The following EBF1 variants were observed in gnomAD, a reference collection of about 807,000 sequenced individuals.
The protein encoded by EBF1 is transcription factor COE1.
Under a neutral mutation model 68.4 loss-of-function variants are expected in EBF1, and 10 were observed. The observed-to-expected ratio is 0.15, with a 90% CI of 0.09 to 0.25. The LOEUF (loss-of-function observed/expected upper bound fraction) is 0.25, where lower values mean the gene tolerates loss of function less well. Ranked by LOEUF, EBF1 falls within the 10% of genes least tolerant of loss-of-function variation. The pLI, the probability that EBF1 is intolerant of heterozygous loss-of-function variation, is 1.00. For synonymous variants in EBF1, 298 were observed against 299.8 expected (o/e 0.99, Z 0.06); for missense variants, 509 against 794.4 (o/e 0.64, Z 4.32).
Position 158,880,338 on chromosome 5 carries a change from A to G in EBF1, c.555-40228T>C, listed in dbSNP as rs376850930. 2.2e-4 allele frequency among the ~76,000 whole-genome samples: 34 copies of G among 152,356 alleles called. 1 individual carries two copies. The South Asian group carries it at 6.8e-3, about 31-fold the overall frequency. On this transcript the variant is annotated intron_variant, in intron 6 of 15. Coordinates refer to ENST00000313708, the MANE Select transcript of EBF1 (RefSeq NM_024007.5). ...CTTTAGAAAAATGGATAAAGATACCATGAGAGAGCTCAACATTAATGACTT... is the reference window on the plus strand; with the variant it reads ...CTTTAGAAAAATGGATAAAGATACCGTGAGAGAGCTCAACATTAATGACTT...
At position 158,759,494 on chromosome 5, in the gene EBF1, TG is replaced by T. The variant is rs578114668; in HGVS notation, c.1036+17918del. Among the ~76,000 whole-genome samples the T allele has an allele frequency of 4.6e-3, 707 of 152,214 alleles. 10 individuals carry two copies. Among genetic ancestry groups the T allele is most frequent in the African/African-American group, 0.016 (676 of 41,528 alleles). On this transcript the variant is annotated intron_variant, in intron 10 of 15. Coordinates refer to ENST00000313708, the MANE Select transcript of EBF1 (RefSeq NM_024007.5). Reference sequence around the variant, plus strand: ...TTCTAGATAATGATCACAGAGTGGCTGGGGGATGGGATAGGGAGAGTGAATC... The same window carrying T: ...TTCTAGATAATGATCACAGAGTGGCTGGGGATGGGATAGGGAGAGTGAATC...
In EBF1 at chr5:159,079,602, CTTTTT is replaced by C. The variant is rs58461083; in HGVS notation, c.485+5059_485+5063del. 6.1e-3 allele frequency among the ~76,000 whole-genome samples: 689 copies of C among 113,634 alleles called. 5 individuals are homozygous for C. The highest frequency in any genetic ancestry group is 0.022 in the African/African-American group (607 of 27,968). The allele number at this position is 113,634 out of a possible 152,430, so 74.5% of individuals were successfully genotyped here. A position where few individuals can be genotyped will look rare whatever the true frequency, so the allele number is the denominator to read the frequency against. ...CCTCTTTGAAACACCCTCCTTTTAT[CTTTTT>C]TTTTTTTTTTTTTTTTTGAGATGGT... On this transcript the variant is annotated intron_variant, in intron 5 of 15. Coordinates refer to ENST00000313708, the MANE Select transcript of EBF1 (RefSeq NM_024007.5).
intron 6 of EBF1, among the ~76,000 whole-genome samples, chr5:159,032,343 G>A (rs937805833): frequency 6.6e-6 from 1 of 152,120 alleles, no homozygotes; most frequent in African/African-American, 2.4e-5. Flanking sequence ...CAAACCCAGG[G>A]CCATCTGATT....
At chr5:158,785,826 A>G (rs905941665) in intron 9 of EBF1, among the ~76,000 whole-genome samples, 1 of 152,186 alleles carries the variant, frequency 6.6e-6, no homozygotes, top group East Asian at 1.9e-4. Context: ...ATTTCTCTCA[A>G]TATAGATATC....
chr5:158,808,890 A>T (rs1782085081), intron 8 of EBF1, among the ~76,000 whole-genome samples: 1 of 152,140 alleles, frequency 6.6e-6, no homozygotes, highest in African/African-American at 2.4e-5. Flanking sequence ...CATCACCCAA[A>T]CAGTTACTTG....
At chr5:158,728,731 C>A (rs751199846) in intron 11 of EBF1, among the ~76,000 whole-genome samples, 1 of 152,036 alleles carries the variant, frequency 6.6e-6, no homozygotes, top group African/African-American at 2.4e-5. Flanking sequence ...GCCTAGCTAA[C>A]GTTTTTTTTA....
intron 6 of EBF1, among the ~76,000 whole-genome samples, chr5:159,039,218 C>T (rs1229299809): frequency 3.3e-5 from 5 of 152,134 alleles, no homozygotes; most frequent in African/African-American, 7.2e-5. Context: ...CCTCTGGGTC[C>T]GTCAGAAAAG....
intron 9 of EBF1, among the ~76,000 whole-genome samples, chr5:158,788,404 A>G (rs192825955): frequency 3.0e-4 from 46 of 152,314 alleles, no homozygotes; most frequent in African/African-American, 1.1e-3. Flanking sequence ...GAGAAAAGTT[A>G]CTGCAGGTAC....
At chr5:158,921,586 T>C (rs900712409) in intron 6 of EBF1, among the ~76,000 whole-genome samples, 2 of 152,262 alleles carry the variant, frequency 1.3e-5, no homozygotes, top group Non-Finnish European at 1.5e-5. Flanking sequence ...TATCACCTAA[T>C]GCAATCTGTG....
intron 8 of EBF1, among the ~76,000 whole-genome samples, chr5:158,802,786 A>G (rs1780849438): frequency 6.6e-6 from 1 of 152,154 alleles, no homozygotes; most frequent in Non-Finnish European, 1.5e-5. Flanking sequence ...CCAGCAAAAT[A>G]CACAGAAAAT....
chr5:159,036,120 T>A (rs182826945), intron 6 of EBF1, among the ~76,000 whole-genome samples: 1 of 152,246 alleles, frequency 6.6e-6, no homozygotes, highest in Admixed American at 6.5e-5. Flanking sequence ...CTGAAGACAG[T>A]GATTGAGAGA....
At chr5:158,939,979 C>T (rs937715185) in intron 6 of EBF1, among the ~76,000 whole-genome samples, 1 of 152,188 alleles carries the variant, frequency 6.6e-6, no homozygotes, top group South Asian at 2.1e-4. Flanking sequence ...TACCCTCTTA[C>T]CACTCTCCTC....
At chr5:158,750,320 G>A (rs1045681499) in intron 10 of EBF1, among the ~76,000 whole-genome samples, 1 of 152,100 alleles carries the variant, frequency 6.6e-6, no homozygotes, top group African/African-American at 2.4e-5. Context: ...CCATTAGACA[G>A]GGTCCCTGTC....
At chr5:159,094,535 AAG>A (rs1782232194) in intron 4 of EBF1, among the ~76,000 whole-genome samples, 1 of 152,224 alleles carries the variant, frequency 6.6e-6, no homozygotes, top group Non-Finnish European at 1.5e-5. Context: ...CCACATATTT[AAG>A]CCGTGGTGTA....
At chr5:158,812,179 C>T (rs935490162) in intron 8 of EBF1, among the ~76,000 whole-genome samples, 7 of 152,112 alleles carry the variant, frequency 4.6e-5, no homozygotes, top group Non-Finnish European at 8.8e-5. Context: ...AGTCAATAAA[C>T]ATGTGTTAGT....
chr5:159,052,293 A>G (rs975739266), intron 6 of EBF1, among the ~76,000 whole-genome samples: 5 of 152,086 alleles, frequency 3.3e-5, no homozygotes, highest in Admixed American at 3.3e-4. Context: ...ATCAAAGAGA[A>G]AAACACTACA....
chr5:158,754,338 G>T (rs1017016418), intron 10 of EBF1, among the ~76,000 whole-genome samples: 2 of 152,084 alleles, frequency 1.3e-5, no homozygotes, highest in African/African-American at 4.8e-5. Context: ...ATCAAGTTAT[G>T]CAACCCTCAG....
intron 6 of EBF1, among the ~76,000 whole-genome samples, chr5:159,056,722 A>G (rs1336127175): frequency 6.6e-6 from 1 of 152,220 alleles, no homozygotes; most frequent in East Asian, 1.9e-4. Flanking sequence ...TGGAAAGGGT[A>G]CTTTCAATTT....
At chr5:158,991,769 T>C (rs1760374347) in intron 6 of EBF1, among the ~76,000 whole-genome samples, 1 of 152,220 alleles carries the variant, frequency 6.6e-6, no homozygotes, top group Non-Finnish European at 1.5e-5. Flanking sequence ...CCAAGCTAGT[T>C]TTATCCTTTT....
Sources: allele counts gnomAD v4.1 joint callset (sites outside exome capture counted in the v4.1 genomes callset), GRCh38; gene constraint gnomAD v4.1.1; transcripts MANE v1.5; gene names NCBI Gene and HGNC (gene_info 2026-07-23, HGNC 2026-07-21).